TRAPPC9: variants seen among roughly 807,000 people sequenced by gnomAD.
The protein encoded by TRAPPC9 is IKK2 binding protein.
A neutral mutation model predicts 124.0 loss-of-function variants in TRAPPC9; 83 were observed. The ratio of observed to expected loss-of-function variants is 0.67; its 90% CI spans 0.56 to 0.80. The LOEUF (loss-of-function observed/expected upper bound fraction) is 0.80. Ranked by LOEUF, TRAPPC9 falls within the 30% of genes least tolerant of loss-of-function variation. The pLI is 0.00. For synonymous variants in TRAPPC9, 638 were observed against 617.5 expected, an observed-to-expected ratio of 1.03 and a Z score of -0.49; for missense variants, 1,302 against 1,508.3, an observed-to-expected ratio of 0.86 and a Z score of 2.27.
rs6987874 is a variant in TRAPPC9 at position 140,189,126 on chromosome 8, C to T, written c.2556+32333G>A. ...TCCTTTCCACCTTCACTAAAACTGC[C>T]TTCTGCAAAATTGAATCATTTCTCT... On this transcript the variant is annotated intron_variant, in intron 17 of 22. Transcript: ENST00000438773. Among the ~76,000 whole-genome samples the T allele has an allele frequency of 6.5e-3, 987 of 152,342 alleles. 10 individuals are homozygous for T. Among genetic ancestry groups the T allele is most frequent in the African/African-American group, 0.023 (943 of 41,574 alleles).
chr8:140,253,415 A>G (rs1272091755), intron 15 of TRAPPC9, among the ~76,000 whole-genome samples: 1 of 152,152 alleles, frequency 6.6e-6, no homozygotes, highest in Admixed American at 6.5e-5. Context: ...TGTGGCTCAC[A>G]CTTATAATCC....
At chr8:139,989,707 C>T (rs972962790) in intron 18 of TRAPPC9, among the ~76,000 whole-genome samples, 4 of 152,206 alleles carry the variant, frequency 2.6e-5, no homozygotes, top group Admixed American at 2.0e-4. Flanking sequence ...AGAGCCGTCA[C>T]TTCTTTGGGT....
At chr8:140,024,201 T>C (rs1839984520) in intron 17 of TRAPPC9, 122 bp from the exon 18 acceptor site, 1 of 1,273,854 alleles carries the variant, frequency 7.9e-7, no homozygotes, top group South Asian at 1.2e-5. Flanking sequence ...AGTCAAGTCA[T>C]CAGCATTGGC....
chr8:140,136,624 G>T (rs1317670184), intron 17 of TRAPPC9, among the ~76,000 whole-genome samples: 1 of 152,180 alleles, frequency 6.6e-6, no homozygotes, highest in African/African-American at 2.4e-5. Flanking sequence ...GATCACCTGA[G>T]GTCAGGAGTT....
intron 7 of TRAPPC9, among the ~76,000 whole-genome samples, chr8:140,378,567 C>T (rs1423030985): frequency 6.6e-6 from 1 of 152,158 alleles, no homozygotes; most frequent in Non-Finnish European, 1.5e-5. Flanking sequence ...ACTTAATAAA[C>T]TCCCCTTTAT....
intron 17 of TRAPPC9, among the ~76,000 whole-genome samples, chr8:140,219,258 C>T (rs900215887): frequency 3.9e-5 from 6 of 152,214 alleles, no homozygotes; most frequent in Admixed American, 1.3e-4. Context: ...GCAGCCTGCC[C>T]GGCCTGCTTC....
chr8:140,026,848 T>C (rs1395846562), intron 17 of TRAPPC9, among the ~76,000 whole-genome samples: 1 of 152,224 alleles, frequency 6.6e-6, no homozygotes, highest in Non-Finnish European at 1.5e-5. Flanking sequence ...TTCCTCTTAC[T>C]TACAAATGGC....
chr8:140,345,265 G>A (rs978022464), intron 9 of TRAPPC9, among the ~76,000 whole-genome samples: 56 of 152,228 alleles, frequency 3.7e-4, no homozygotes, highest in African/African-American at 1.2e-3. Flanking sequence ...TGGAGGTGCT[G>A]AGGACAGAGC....
intron 17 of TRAPPC9, among the ~76,000 whole-genome samples, chr8:140,068,636 C>A (rs1271461980): frequency 6.6e-6 from 1 of 152,214 alleles, no homozygotes; most frequent in Non-Finnish European, 1.5e-5. Context: ...GGATGATCAC[C>A]TGCCTTATGA....
chr8:140,233,419 T>G (rs571911149), intron 16 of TRAPPC9, among the ~76,000 whole-genome samples: 1 of 152,208 alleles, frequency 6.6e-6, no homozygotes, highest in South Asian at 2.1e-4. Flanking sequence ...TTGGCCAGGC[T>G]GCTCTTGAAC....
chr8:139,925,846 C>CAT (rs1554673865), intron 19 of TRAPPC9, among the ~76,000 whole-genome samples: 1 of 150,184 alleles, frequency 6.7e-6, no homozygotes, highest in African/African-American at 2.5e-5. Flanking sequence ...CACACACACA[C>CAT]GTTTCAGATT....
At chr8:140,392,458 T>C (rs2068954376) in intron 7 of TRAPPC9, among the ~76,000 whole-genome samples, 1 of 152,242 alleles carries the variant, frequency 6.6e-6, no homozygotes, top group Non-Finnish European at 1.5e-5. Context: ...AGGCAGAACA[T>C]GTTCTTTTCC....
chr8:140,303,888 A>G (rs185186821), intron 10 of TRAPPC9, among the ~76,000 whole-genome samples: 2 of 152,286 alleles, frequency 1.3e-5, no homozygotes, highest in Admixed American at 1.3e-4. Context: ...CTATTCTAAA[A>G]CCAAAGTCAT....
intron 9 of TRAPPC9, among the ~76,000 whole-genome samples, chr8:140,351,344 G>T (rs2132123562): frequency 1.3e-5 from 2 of 148,470 alleles, no homozygotes; most frequent in South Asian, 4.4e-4. Context: ...ATATTTGGGG[G>T]AAAAAATTGC....
chr8:140,214,330 C>A (rs1266912306), intron 17 of TRAPPC9, among the ~76,000 whole-genome samples: 1 of 152,170 alleles, frequency 6.6e-6, no homozygotes, highest in Non-Finnish European at 1.5e-5. Flanking sequence ...GGCCAAAGGC[C>A]CACAGCTGAT....
At chr8:140,238,532 A>G (rs1441719983) in intron 16 of TRAPPC9, 1 of 152,260 alleles carries the variant, frequency 6.6e-6, no homozygotes, top group Non-Finnish European at 1.5e-5. Context: ...GGGAGATGGC[A>G]CGGGCTAAAT....
chr8:140,272,090 G>A lies in TRAPPC9; in HGVS notation c.2278+3568C>T, dbSNP rs574967669. 4.5e-3 allele frequency among the ~76,000 whole-genome samples: 336 copies of A among 74,108 alleles called. 3 individuals carry two copies. The highest frequency in any genetic ancestry group is 0.025 in the African/African-American group (325 of 13,044). The allele number at this position is 74,108 out of a possible 152,430, so 48.6% of individuals were successfully genotyped here. A position where few individuals can be genotyped will look rare whatever the true frequency, so the allele number is the denominator to read the frequency against. On this transcript the variant is annotated intron_variant, in intron 15 of 22. Transcript: ENST00000438773. ...TGGTGATGATGGTGGTGGTTGTGTTGATGATGAGGTGATTGTGGTGGTGGC... is the reference window on the plus strand; with the variant it reads ...TGGTGATGATGGTGGTGGTTGTGTTAATGATGAGGTGATTGTGGTGGTGGC...
chr8:139,858,450 T>C (rs1481695504), intron 21 of TRAPPC9, among the ~76,000 whole-genome samples: 1 of 152,250 alleles, frequency 6.6e-6, no homozygotes, highest in Non-Finnish European at 1.5e-5. Context: ...TCCAGCCGCA[T>C]GCAGCTCTTC....
chr8:139,943,181 C>T (rs1000656578), intron 19 of TRAPPC9, among the ~76,000 whole-genome samples: 3 of 152,188 alleles, frequency 2.0e-5, no homozygotes, highest in African/African-American at 7.2e-5. Flanking sequence ...ATTCTCCTGT[C>T]TCAGCCTCCC....
Sources: allele counts gnomAD v4.1 joint callset (sites outside exome capture counted in the v4.1 genomes callset), GRCh38; gene constraint gnomAD v4.1.1; transcripts MANE v1.5; gene names NCBI Gene and HGNC (gene_info 2026-07-23, HGNC 2026-07-21).